The following PAFAH2 variants were observed in gnomAD, a reference collection of about 807,000 sequenced individuals.
The protein encoded by PAFAH2 is platelet-activating factor acetylhydrolase 2, cytoplasmic.
In PAFAH2, 42 loss-of-function variants were observed where a neutral mutation model predicts 49.0. That is an observed-to-expected ratio of 0.86 (90% CI 0.67 to 1.11). The LOEUF is 1.11. Ranked by LOEUF, PAFAH2 falls within the 50% of genes least tolerant of loss-of-function variation. The probability of loss-of-function intolerance (pLI) is 0.00; values close to 1 mark genes in which losing one functional copy is unlikely to be tolerated. For synonymous variants in PAFAH2, 184 were observed against 181.3 expected (o/e 1.01, Z -0.12); for missense variants, 503 against 501.8 (o/e 1.00, Z -0.02).
intron 7 of PAFAH2, among the ~76,000 whole-genome samples, chr1:25,980,346 C>T (rs976287698): frequency 6.6e-6 from 1 of 150,744 alleles, no homozygotes; most frequent in Admixed American, 6.6e-5. Flanking sequence ...TTTTTTGAGA[C>T]GGAGTCTCGC....
intron 4 of PAFAH2, among the ~76,000 whole-genome samples, chr1:25,987,414 G>A (rs1376606206): frequency 6.6e-6 from 1 of 151,922 alleles, no homozygotes; most frequent in Non-Finnish European, 1.5e-5. Flanking sequence ...TGAACAGACA[G>A]AGAGAACATT....
intron 10 of PAFAH2, among the ~76,000 whole-genome samples, chr1:25,962,358 A>G (rs1278677008): frequency 6.6e-6 from 1 of 152,226 alleles, no homozygotes; most frequent in Non-Finnish European, 1.5e-5. Context: ...GGATTGTACT[A>G]AATGCTTTAC....
chr1:25,997,389 T>C (rs986127951), intron 1 of PAFAH2: 2 of 152,222 alleles, frequency 1.3e-5, no homozygotes, highest in Non-Finnish European at 2.9e-5. Flanking sequence ...TGTGAAGGTC[T>C]TACAGTTTAC....
At chr1:25,970,015 G>A (rs371234683) in intron 10 of PAFAH2, among the ~76,000 whole-genome samples, 3 of 152,218 alleles carry the variant, frequency 2.0e-5, no homozygotes, top group South Asian at 4.2e-4. Context: ...AAGATGAAAC[G>A]AACAGGCAGA....
In PAFAH2 at chr1:25,961,015, C is replaced by G. The variant is rs571272604; in HGVS notation, c.*974G>C. 7 of 152,214 alleles carry G rather than the reference C, an allele frequency of 4.6e-5. No homozygotes were observed. Among genetic ancestry groups the G allele is most frequent in the Admixed American group, 2.6e-4 (4 of 15,286 alleles). The allele number at this position is 152,214 out of a possible 1,614,324, so 9.4% of individuals were successfully genotyped here. On this transcript the variant is annotated 3_prime_UTR_variant, in exon 11 of 11. Coordinates refer to ENST00000374282, the MANE Select transcript of PAFAH2 (RefSeq NM_000437.4). ...AGAGACGGGGTTTCACCATGTTGGC[C>G]AGGTGGTCTTGAACTCCTGGCCTTA...
rs906627370 is a variant in PAFAH2, at chr1:25,988,238, C to T, written c.334G>A (p.Ala112Thr). ...PLIIFSHGLGAFRTLYSAFCM... is the reference protein window; with the variant it reads ...PLIIFSHGLGTFRTLYSAFCM... ...GGGGAAAGAAGCTCTTACCTGAAGGCTCCTAGGCCATGGGAGAAGATGATC... is the reference window on the plus strand; with the variant it reads ...GGGGAAAGAAGCTCTTACCTGAAGGTTCCTAGGCCATGGGAGAAGATGATC... Residue 112 changes from alanine to threonine, a missense_variant, in exon 4 of 11, where the codon GCC becomes ACC. Transcript: ENST00000374282. 1 of 1,603,230 alleles carries T rather than the reference C, an allele frequency of 6.2e-7. No individual in the cohort carries two copies. Among genetic ancestry groups the T allele is most frequent in the Non-Finnish European group, 8.5e-7 (1 of 1,174,414 alleles).
At chr1:25,990,888 A>G (rs1231768611) in intron 1 of PAFAH2, 25 bp from the exon 2 acceptor site, 10 of 1,251,220 alleles carry the variant, frequency 8.0e-6, no homozygotes, top group Non-Finnish European at 1.2e-5. Flanking sequence ...ACAGAACAGC[A>G]GCCGCTTGCT....
Position 25,975,096 on chromosome 1 carries a change from T to C in PAFAH2, c.759-446A>G, listed in dbSNP as rs78403064. ...AAAACAATATAACTTAGTGCCCTGA[T>C]TGCACAAGGTTCTATGTGAGGTCAG... is the stretch of plus-strand genomic sequence containing the variant. On this transcript the variant is annotated intron_variant, in intron 8 of 10. Transcript: ENST00000374282. Among the ~76,000 whole-genome samples, 1,499 of 152,282 alleles carry C rather than the reference T, an allele frequency of 9.8e-3. 26 individuals are homozygous for C. Among genetic ancestry groups the C allele is most frequent in the African/African-American group, 0.034 (1,426 of 41,548 alleles).
At chr1:25,966,471 C>T (rs796240861) in intron 10 of PAFAH2, among the ~76,000 whole-genome samples, 45 of 152,312 alleles carry the variant, frequency 3.0e-4, no homozygotes, top group African/African-American at 9.9e-4. Flanking sequence ...TTTTGCAGAA[C>T]CGCAGGCCAT....
In PAFAH2 at chr1:25,976,670, T is replaced by C. The variant is rs371739285; in HGVS notation, c.758+12A>G. On this transcript the variant is annotated intron_variant, in intron 8 of 10. Transcript: ENST00000374282. Reference sequence around the variant, plus strand: ...ATGGAGCTAAGCACAGCAACACTACTAGGAAACTCACCGAAATTGGGTCTC... The same window carrying C: ...ATGGAGCTAAGCACAGCAACACTACCAGGAAACTCACCGAAATTGGGTCTC... The C allele has an allele frequency of 1.2e-6, 2 of 1,600,618 alleles. No homozygotes were observed. Among genetic ancestry groups the C allele is most frequent in the African/African-American group, 1.3e-5 (1 of 74,680 alleles).
chr1:25,989,483 T>A lies in PAFAH2; in HGVS notation c.209A>T (p.Lys70Met), dbSNP rs1249255616. The change falls in exon 3 of 11, where the codon AAG (lysine) becomes ATG (methionine). Residue 70 changes from lysine (K) to methionine (M), a missense_variant. Physicochemically the swap from Lys to Met is moderately conservative, Grantham distance 95. Coordinates refer to ENST00000374282, the MANE Select transcript of PAFAH2 (RefSeq NM_000437.4). ...TGLAEYLQFN[K>M]RCGGLLFNLA... ...GTTGAACAGCAAGCCCCCGCAGCGCTTATTAAACTGCAGGTACTCGGCCAG... is the reference window on the plus strand; with the variant it reads ...GTTGAACAGCAAGCCCCCGCAGCGCATATTAAACTGCAGGTACTCGGCCAG... The A allele has an allele frequency of 6.2e-7, 1 of 1,610,536 alleles. No homozygotes were observed. The highest frequency in any genetic ancestry group is 1.3e-5 in the African/African-American group (1 of 74,810).
intron 1 of PAFAH2, among the ~76,000 whole-genome samples, chr1:25,996,784 C>T (rs190245214): frequency 3.9e-5 from 6 of 152,292 alleles, no homozygotes; most frequent in African/African-American, 9.6e-5. Context: ...GTTCCTTATA[C>T]GTAAAATGGA....
chr1:25,997,865 G>A (rs2049958021), intron 1 of PAFAH2, among the ~76,000 whole-genome samples, 160 bp downstream of exon 1: 1 of 152,124 alleles, frequency 6.6e-6, no homozygotes, highest in African/African-American at 2.4e-5. Context: ...GAGGGTCAAG[G>A]GAGCGGGTGG....
At chr1:25,982,576 T>C in intron 6 of PAFAH2, 99 bp from the exon 7 acceptor site, 1 of 914,188 alleles carries the variant, frequency 1.1e-6, no homozygotes, top group East Asian at 2.6e-5. Context: ...ACAGATAGTC[T>C]ACCCACCCAC....
intron 10 of PAFAH2, among the ~76,000 whole-genome samples, chr1:25,966,720 C>G (rs369611467): frequency 6.6e-6 from 1 of 151,996 alleles, no homozygotes; most frequent in East Asian, 1.9e-4. Context: ...GACTTTACCA[C>G]GTGCAATATA....
In PAFAH2 at chr1:25,990,859, G is replaced by A. The variant is rs1408865663; in HGVS notation, c.-43C>T. 2 of 1,533,946 alleles carry A rather than the reference G, an allele frequency of 1.3e-6. No homozygotes were observed. The highest frequency in any genetic ancestry group is 1.7e-5 in the Admixed American group (1 of 59,522). ...CAAATGACTTGCCGGAGCTGAACTTGCTGGCTGGATGGGGGAACACAGAAC... is the reference window on the plus strand; with the variant it reads ...CAAATGACTTGCCGGAGCTGAACTTACTGGCTGGATGGGGGAACACAGAAC... On this transcript the variant is annotated 5_prime_UTR_variant, in exon 2 of 11. Coordinates refer to ENST00000374282, the MANE Select transcript of PAFAH2 (RefSeq NM_000437.4).
At chr1:25,968,224 G>A (rs1185898174) in intron 10 of PAFAH2, among the ~76,000 whole-genome samples, 1 of 152,040 alleles carries the variant, frequency 6.6e-6, no homozygotes, top group East Asian at 1.9e-4. Flanking sequence ...GCGCAATCAT[G>A]TTGAGCAGAC....
At position 25,974,563 on chromosome 1, in the gene PAFAH2, A is replaced by G. The variant is rs768796010; in HGVS notation, c.846T>C (p.Thr282=). 3 of 1,613,398 alleles carry G rather than the reference A, an allele frequency of 1.9e-6. No individual in the cohort carries two copies. The highest frequency in any genetic ancestry group is 2.2e-5 in the South Asian group (2 of 91,070). The change falls in exon 9 of 11, where the codon ACT becomes ACC. Residue 282 remains threonine, a synonymous_variant. Transcript: ENST00000374282. ...KARGPVFFIN[T]EKFQTMESVN... The stretch of plus-strand genomic sequence containing the variant: ...CACTCTCCATTGTCTGGAATTTCTC[A>G]GTATTGATAAAGAACACAGGTCCTC...
chr1:25,971,712 T>G (rs999967828), intron 10 of PAFAH2, among the ~76,000 whole-genome samples: 53 of 152,296 alleles, frequency 3.5e-4, no homozygotes, highest in African/African-American at 1.3e-3. Context: ...AAGCTAAGTT[T>G]GTGAACCTCT....
Sources: allele counts gnomAD v4.1 joint callset (sites outside exome capture counted in the v4.1 genomes callset), GRCh38; gene constraint gnomAD v4.1.1; transcripts MANE v1.5; gene names NCBI Gene and HGNC (gene_info 2026-07-23, HGNC 2026-07-21).